The following FPGT variants were observed in gnomAD, a reference collection of about 807,000 sequenced individuals.
The protein encoded by FPGT is fucose-1-phosphate guanylyltransferase.
FPGT carries 41 observed loss-of-function variants against 45.8 expected under a neutral mutation model. The observed-to-expected ratio is 0.90, with a 90% CI of 0.70 to 1.16. The LOEUF (loss-of-function observed/expected upper bound fraction) is 1.16, where lower values mean the gene tolerates loss of function less well. FPGT is among the 50% of genes most tolerant of loss of function. The pLI, the probability that FPGT is intolerant of heterozygous loss-of-function variation, is 0.00. For synonymous variants in FPGT, 292 were observed against 247.2 expected (o/e 1.18, Z -1.70); for missense variants, 755 against 689.1 (o/e 1.10, Z -1.07).
Position 74,204,702 on chromosome 1 carries a change from C to T in FPGT, c.655C>T (p.Leu219Phe), listed in dbSNP as rs1652115033. 1 of 1,613,610 alleles carries T rather than the reference C, an allele frequency of 6.2e-7. No individual in the cohort carries two copies. Among genetic ancestry groups the T allele is most frequent in the African/African-American group, 1.3e-5 (1 of 74,886 alleles). The change falls in exon 4 of 4, where the codon CTT (leucine) becomes TTT (phenylalanine). Residue 219 changes from leucine to phenylalanine, a missense_variant. Leu to Phe is a conservative substitution (Grantham distance 22). Coordinates refer to ENST00000370898, the MANE Select transcript of FPGT (RefSeq NM_003838.5). ...TTTTGATGATTTAAAACATAGAGACCTTGAATACAGGTCTTGCCATCGTTT... is the reference window on the plus strand; with the variant it reads ...TTTTGATGATTTAAAACATAGAGACTTTGAATACAGGTCTTGCCATCGTTT... ...DPFDDLKHRD[L>F]EYRSCHRFLH...
chr1:74,205,071 A>G lies in FPGT; in HGVS notation c.1024A>G (p.Lys342Glu). The change falls in exon 4 of 4, where the codon AAA (lysine) becomes GAA (glutamate). Residue 342 changes from lysine to glutamate, a missense_variant. By Grantham distance (56) the Lys-to-Glu change is moderately conservative (BLOSUM62 1). Transcript: ENST00000370898. Reference sequence around the variant, plus strand: ...GAGGCAGAGAATATTTCATCTTCTTAAAGGAACATCACTAAATGTTGTTGT... The same window carrying G: ...GAGGCAGAGAATATTTCATCTTCTTGAAGGAACATCACTAAATGTTGTTGT... ...EMRQRIFHLLKGTSLNVVVLN... is the reference protein window; with the variant it reads ...EMRQRIFHLLEGTSLNVVVLN... 2 of 1,613,302 alleles carry G rather than the reference A, an allele frequency of 1.2e-6. No homozygotes were observed. The highest frequency in any genetic ancestry group is 2.2e-5 in the South Asian group (2 of 91,066).
chr1:74,204,667 T>A lies in FPGT; in HGVS notation c.620T>A (p.Val207Asp). ...LTIGTTHGVF[V>D]LDPFDDLKHR... ...ATAGGTACCACACATGGAGTATTTG[T>A]CTTAGATCCTTTTGATGATTTAAAA... Residue 207 changes from valine to aspartate, a missense_variant, in exon 4 of 4, where the codon GTC becomes GAC. By Grantham distance (152) the Val-to-Asp change is radical. Coordinates refer to ENST00000370898, the MANE Select transcript of FPGT (RefSeq NM_003838.5). The A allele has an allele frequency of 6.2e-7, 1 of 1,613,554 alleles. No individual in the cohort carries two copies. The highest frequency in any genetic ancestry group is 8.5e-7 in the Non-Finnish European group (1 of 1,179,474).
At position 74,205,381 on chromosome 1, in the gene FPGT, C is replaced by T. The variant is rs1286521542; in HGVS notation, c.1334C>T (p.Ala445Val). ...AGTGGTTCTTACATCCTAACAAAAG[C>T]TGCCCTCCCCGCACATTCTTTTGTA... Reference protein sequence around the residue: ...IISGSYILTKAALPAHSFVCS... With the variant: ...IISGSYILTKVALPAHSFVCS... The change falls in exon 4 of 4, where the codon GCT becomes GTT. Residue 445 changes from alanine (A) to valine (V), a missense_variant. Physicochemically the swap from Ala to Val is moderately conservative, Grantham distance 64 (BLOSUM62 0). Transcript: ENST00000370898. 6.2e-7 allele frequency: 1 copy of T among 1,613,972 alleles called. No homozygotes were observed. Among genetic ancestry groups the T allele is most frequent in the South Asian group, 1.1e-5 (1 of 91,084 alleles).
chr1:74,205,506 A>G lies in FPGT; in HGVS notation c.1459A>G (p.Ile487Val), dbSNP rs757770865. 1.2e-6 allele frequency: 2 copies of G among 1,612,968 alleles called. No individual in the cohort carries two copies. The highest frequency in any genetic ancestry group is 1.7e-5 in the Admixed American group (1 of 60,030). ...AAAGAGTGTGAAAACATTGTCAGAT[A>G]TAAAGTTACTTCAATTCTTTGGAGT... Reference protein sequence around the residue: ...LKKSVKTLSDIKLLQFFGVCF... With the variant: ...LKKSVKTLSDVKLLQFFGVCF... Residue 487 changes from isoleucine to valine, a missense_variant, in exon 4 of 4, where the codon ATA (isoleucine) becomes GTA (valine). Coordinates refer to ENST00000370898, the MANE Select transcript of FPGT (RefSeq NM_003838.5).
intron 3 of FPGT, among the ~76,000 whole-genome samples, chr1:74,204,131 G>T: frequency 6.6e-6 from 1 of 151,432 alleles, no homozygotes; most frequent in East Asian, 1.9e-4. Context: ...ACATTTCACA[G>T]ATTCTACAGT....
intron 3 of FPGT, among the ~76,000 whole-genome samples, chr1:74,201,792 C>T (rs1651825988): frequency 6.6e-6 from 1 of 152,116 alleles, no homozygotes; most frequent in Admixed American, 6.5e-5. Context: ...GGTCCATGTG[C>T]AGGTTTGTTA....
Position 74,201,308 on chromosome 1 carries a change from T to C in FPGT, c.251-10T>C. On this transcript the variant is annotated splice_polypyrimidine_tract_variant and intron_variant, in intron 2 of 3. Coordinates refer to ENST00000370898, the MANE Select transcript of FPGT (RefSeq NM_003838.5). ...TAAATAAATTGTGCTTTTTTAACTT[T>C]GTTTTTAAGGAAATGGAGGATCAAC... 6.2e-7 allele frequency: 1 copy of C among 1,604,854 alleles called. No individual in the cohort carries two copies. The highest frequency in any genetic ancestry group is 1.1e-5 in the South Asian group (1 of 89,138).
chr1:74,199,773 G>A lies in FPGT; in HGVS notation c.192G>A (p.Lys64=). 6.2e-7 allele frequency: 1 copy of A among 1,614,152 alleles called. No individual in the cohort carries two copies. The highest frequency in any genetic ancestry group is 8.5e-7 in the Non-Finnish European group (1 of 1,180,006). ...NQQLSEKLKR[K]ELPLGVQYHV... is the part of the protein sequence containing the mutation. ...AGCTGTCAGAAAAGCTGAAAAGAAA[G>A]GAGTTACCCCTTGGAGTTCAATATC... Residue 64 remains lysine (K), a synonymous_variant, in exon 2 of 4, where the codon AAG becomes AAA. Transcript: ENST00000370898.
rs1652361346 is a variant in FPGT at position 74,207,377 on chromosome 1, C to G, written c.*1545C>G. The stretch of plus-strand genomic sequence containing the variant: ...CAAGAAATTTCTACAGCTTCACATT[C>G]AAACTCTTCAGCACTTTCAGAGCTA... On this transcript the variant is annotated 3_prime_UTR_variant, in exon 4 of 4. Transcript: ENST00000370898. The G allele has an allele frequency of 1.3e-5, 2 of 152,094 alleles. No homozygotes were observed. The highest frequency in any genetic ancestry group is 6.6e-5 in the Admixed American group (1 of 15,264). The allele number at this position is 152,094 out of a possible 1,614,324, so 9.4% of individuals were successfully genotyped here.
chr1:74,205,286 G>A lies in FPGT; in HGVS notation c.1239G>A (p.Val413=). The stretch of plus-strand genomic sequence containing the variant: ...GCATACTGGATTCAAGATGTTCTGT[G>A]GCACCTGGCTCAGTTGTGGAGTATT... ...IQSILDSRCS[V]APGSVVEYSR... The change falls in exon 4 of 4, where the codon GTG becomes GTA. Residue 413 remains valine (V), a synonymous_variant. Coordinates refer to ENST00000370898, the MANE Select transcript of FPGT (RefSeq NM_003838.5). 1 of 1,613,976 alleles carries A rather than the reference G, an allele frequency of 6.2e-7. No individual in the cohort carries two copies. Among genetic ancestry groups the A allele is most frequent in the Non-Finnish European group, 8.5e-7 (1 of 1,179,880 alleles).
At chr1:74,201,930 A>G (rs1651840495) in intron 3 of FPGT, among the ~76,000 whole-genome samples, 1 of 152,064 alleles carries the variant, frequency 6.6e-6, no homozygotes, top group African/African-American at 2.4e-5. Flanking sequence ...GCTTTGAGGG[A>G]AGGGTGGTTT....
rs199645291 is a variant in FPGT at position 74,198,330 on chromosome 1, C to A, written c.52C>A (p.Arg18=). Residue 18 remains arginine, a synonymous_variant, in exon 1 of 4, where the codon CGA becomes AGA. Coordinates refer to ENST00000370898, the MANE Select transcript of FPGT (RefSeq NM_003838.5). The part of the protein sequence containing the change: ...PEVSLREATQ[R]KLRRFSELRG... ...AGTATCGCTGCGAGAAGCCACCCAG[C>A]GAAAATTGCGGAGGTTTTCCGAGCT... 2.5e-5 allele frequency: 40 copies of A among 1,613,970 alleles called. 1 individual carries two copies. The highest frequency in any genetic ancestry group is 2.3e-5 in the Non-Finnish European group (27 of 1,180,026).
At chr1:74,202,387 T>C (rs1396364878) in intron 3 of FPGT, among the ~76,000 whole-genome samples, 1 of 152,224 alleles carries the variant, frequency 6.6e-6, no homozygotes, top group African/African-American at 2.4e-5. Context: ...AGCATCCAAG[T>C]TCTGGTTTGA....
intron 3 of FPGT, 115 bp downstream of exon 3, chr1:74,201,525 G>A: frequency 1.5e-6 from 1 of 651,638 alleles, no homozygotes; most frequent in East Asian, 3.1e-5. Flanking sequence ...AATCTTTGAA[G>A]TTATTCTGCT....
At chr1:74,201,034 T>C (rs548692781) in intron 2 of FPGT, among the ~76,000 whole-genome samples, 1 of 152,374 alleles carries the variant, frequency 6.6e-6, no homozygotes, top group African/African-American at 2.4e-5. Context: ...TTACAGATTG[T>C]GTAATTGATT....
rs771967355 is a variant in FPGT at position 74,199,693 on chromosome 1, G to T, written c.112G>T (p.Asp38Tyr). 6.2e-7 allele frequency: 1 copy of T among 1,613,638 alleles called. No individual in the cohort carries two copies. The highest frequency in any genetic ancestry group is 1.3e-5 in the African/African-American group (1 of 74,886). The change falls in exon 2 of 4, where the codon GAC becomes TAC. Residue 38 changes from aspartate (D) to tyrosine (Y), a missense_variant. Physicochemically the swap from Asp to Tyr is radical, Grantham distance 160. Coordinates refer to ENST00000370898, the MANE Select transcript of FPGT (RefSeq NM_003838.5). ...GKLVARGEFW[D>Y]IVAITAADEK... ...ACTTGTAGCACGTGGAGAATTCTGGGACATAGTTGCAATAACAGCGGCTGA... is the reference window on the plus strand; with the variant it reads ...ACTTGTAGCACGTGGAGAATTCTGGTACATAGTTGCAATAACAGCGGCTGA...
At chr1:74,203,713 T>C (rs1652014609) in intron 3 of FPGT, among the ~76,000 whole-genome samples, 1 of 151,916 alleles carries the variant, frequency 6.6e-6, no homozygotes, top group Admixed American at 6.6e-5. Context: ...GATTCTTAAT[T>C]AGAAGTCTAA....
At chr1:74,204,299 T>G (rs764738295) in intron 3 of FPGT, 92 bp from the exon 4 acceptor site, 5 of 747,908 alleles carry the variant, frequency 6.7e-6, no homozygotes, top group Non-Finnish European at 1.0e-5. Context: ...TATATTTTGA[T>G]TTGTAACTTA....
rs936956887 is a variant in FPGT, at chr1:74,206,263, G to A, written c.*431G>A. ...CATACTGTAGGGTCTTCAGAGTAGTGTAGGAATACTGTAGAAATACTTTTT... is the reference window on the plus strand; with the variant it reads ...CATACTGTAGGGTCTTCAGAGTAGTATAGGAATACTGTAGAAATACTTTTT... On this transcript the variant is annotated 3_prime_UTR_variant, in exon 4 of 4. Transcript: ENST00000370898. The A allele has an allele frequency of 2.0e-5, 3 of 153,056 alleles. No homozygotes were observed. The highest frequency in any genetic ancestry group is 7.2e-5 in the African/African-American group (3 of 41,430). The allele number at this position is 153,056 out of a possible 1,614,324, so 9.5% of individuals were successfully genotyped here. A position where few individuals can be genotyped will look rare whatever the true frequency, so the allele number is the denominator to read the frequency against.
Sources: gnomAD v4.1 joint callset for allele counts (sites outside exome capture counted in the v4.1 genomes callset) on GRCh38, gnomAD v4.1.1 for gene constraint, MANE v1.5 for transcripts, NCBI Gene and HGNC (gene_info 2026-07-23, HGNC 2026-07-21) for gene names.